The following COL26A1 variants were observed in gnomAD, a reference collection of about 807,000 sequenced individuals.
COL26A1 encodes the protein collagen type XXVI alpha 1 chain.
Under a neutral mutation model 59.3 loss-of-function variants are expected in COL26A1, and 41 were observed. That is an observed-to-expected ratio of 0.69 (90% CI 0.54 to 0.90). The LOEUF is 0.90. Among genes scored for constraint, COL26A1 ranks in the 40% least tolerant of loss-of-function variants. The pLI is 0.00. For synonymous variants in COL26A1, 266 were observed against 256.0 expected, an observed-to-expected ratio of 1.04 and a Z score of -0.37; for missense variants, 612 against 602.3, an observed-to-expected ratio of 1.02 and a Z score of -0.17.
intron 3 of COL26A1, among the ~76,000 whole-genome samples, chr7:101,487,102 G>A (rs547010233): frequency 2.0e-5 from 3 of 152,332 alleles, no homozygotes; most frequent in South Asian, 4.1e-4. Context: ...GGGCGGGGAG[G>A]AGGGGGCACA....
At chr7:101,376,612 G>A (rs1470780258) in intron 1 of COL26A1, among the ~76,000 whole-genome samples, 1 of 152,118 alleles carries the variant, frequency 6.6e-6, no homozygotes, top group Non-Finnish European at 1.5e-5. Flanking sequence ...CTGCTGCAGG[G>A]GAGCCGGAGA....
chr7:101,395,701 G>A (rs1260425907), intron 1 of COL26A1, among the ~76,000 whole-genome samples: 1 of 152,122 alleles, frequency 6.6e-6, no homozygotes, highest in Admixed American at 6.6e-5. Flanking sequence ...GGTGCCTGTC[G>A]GACTTGAGCA....
chr7:101,552,767 C>T (rs1351234230), intron 10 of COL26A1, among the ~76,000 whole-genome samples: 1 of 151,762 alleles, frequency 6.6e-6, no homozygotes, highest in Admixed American at 6.6e-5. Flanking sequence ...ATTAGCCAGA[C>T]ATGGTGGCGC....
intron 5 of COL26A1, among the ~76,000 whole-genome samples, chr7:101,542,771 G>C (rs1562797836): frequency 7.0e-6 from 1 of 143,208 alleles, no homozygotes; most frequent in Non-Finnish European, 1.5e-5. Context: ...TCTCCTACGG[G>C]AAGGGGGACC....
rs1006455096 is a variant in COL26A1 at position 101,429,567 on chromosome 7, CT to C, written c.281+9476del. Among the ~76,000 whole-genome samples, 166 of 111,594 alleles carry C rather than the reference CT, an allele frequency of 1.5e-3. 3 individuals carry two copies. Among genetic ancestry groups the C allele is most frequent in the Admixed American group, 0.01 (120 of 11,644 alleles). 73.2% of individuals were successfully genotyped at this position (111,594 alleles called of 152,430 possible). A position where few individuals can be genotyped will look rare whatever the true frequency, so the allele number is the denominator to read the frequency against. Reference sequence around the variant, plus strand: ...ATAGATTGATTCTTCTCACTTTATTCTTTTTTTTCCTTTCTTTTTTACTTTT... The same window carrying C: ...ATAGATTGATTCTTCTCACTTTATTCTTTTTTTCCTTTCTTTTTTACTTTT... On this transcript the variant is annotated intron_variant, in intron 2 of 12. Transcript: ENST00000313669.
chr7:101,513,443 C>T (rs1794967263), intron 3 of COL26A1, among the ~76,000 whole-genome samples: 1 of 152,196 alleles, frequency 6.6e-6, no homozygotes, highest in Non-Finnish European at 1.5e-5. Context: ...TCTCATGCCT[C>T]AGCCTCCTGA....
intron 3 of COL26A1, among the ~76,000 whole-genome samples, chr7:101,463,775 T>TTCTTTCTTTCTTTCTTTCTCTC (rs1554416029): frequency 8.4e-6 from 1 of 119,454 alleles, no homozygotes; most frequent in African/African-American, 3.5e-5. Context: ...CCTTCCTTCT[T>TTCTTTCTTTCTTTCTTTCTCTC]TCTTTCTTTC....
At chr7:101,495,198 A>T (rs1314550605) in intron 3 of COL26A1, among the ~76,000 whole-genome samples, 1 of 152,120 alleles carries the variant, frequency 6.6e-6, no homozygotes, top group Non-Finnish European at 1.5e-5. Context: ...AACCCAACAC[A>T]CAGGGCTAGA....
At chr7:101,557,271 G>A (rs1796000627) in intron 12 of COL26A1, 99 bp from the exon 13 acceptor site, 5 of 1,275,028 alleles carry the variant, frequency 3.9e-6, no homozygotes, top group Middle Eastern at 3.9e-4. Flanking sequence ...TCTCCACGCT[G>A]GGCAAGAGCA....
chr7:101,451,958 C>T (rs534524973), intron 3 of COL26A1, among the ~76,000 whole-genome samples: 4 of 152,210 alleles, frequency 2.6e-5, no homozygotes, highest in East Asian at 1.9e-4. Context: ...CTGCACCCAT[C>T]GGCGTCCCAA....
At position 101,551,132 on chromosome 7, in the gene COL26A1, G is replaced by C. The variant is rs1255012188; in HGVS notation, c.1018G>C (p.Val340Leu). ...GGGCCTGGCTGGAGAGCGAGGCACA[G>C]TGGGGCCGTCCGTAAGTGTGGGCTG... is the stretch of plus-strand genomic sequence containing the variant. ...SQGLAGERGT[V>L]GPSGEPGVKG... The change falls in exon 10 of 13, where the codon GTG (valine) becomes CTG (leucine). Residue 340 changes from valine (V) to leucine (L), a missense_variant. Physicochemically the swap from Val to Leu is conservative, Grantham distance 32. Transcript: ENST00000313669. 2 of 1,560,558 alleles carry C rather than the reference G, an allele frequency of 1.3e-6. No homozygotes were observed. The highest frequency in any genetic ancestry group is 3.8e-5 in the Admixed American group (2 of 52,136).
intron 3 of COL26A1, among the ~76,000 whole-genome samples, chr7:101,512,603 T>C (rs1481337610): frequency 2.6e-5 from 4 of 152,082 alleles, no homozygotes; most frequent in South Asian, 2.1e-4. Flanking sequence ...GCCTGGGCAA[T>C]AGAGCAAGAC....
chr7:101,486,007 T>C (rs1794260894), intron 3 of COL26A1, among the ~76,000 whole-genome samples: 1 of 152,032 alleles, frequency 6.6e-6, no homozygotes, highest in South Asian at 2.1e-4. Flanking sequence ...ACCGCGTCTC[T>C]ATTGAAAATA....
chr7:101,401,698 A>AGGAGGC (rs61058126), intron 1 of COL26A1, among the ~76,000 whole-genome samples: 1 of 131,206 alleles, frequency 7.6e-6, no homozygotes, highest in Non-Finnish European at 1.6e-5. Context: ...GAGGAGGAGG[A>AGGAGGC]AGAGTAGGAG....
chr7:101,547,088 C>T, intron 7 of COL26A1, 68 bp from the exon 8 acceptor site: 1 of 1,195,974 alleles, frequency 8.4e-7, no homozygotes, highest in South Asian at 1.4e-5. Context: ...GCTCAGTGCC[C>T]CGGACCAGCC....
chr7:101,456,347 G>T (rs1236216161), intron 3 of COL26A1, among the ~76,000 whole-genome samples: 1 of 151,572 alleles, frequency 6.6e-6, no homozygotes, highest in Non-Finnish European at 1.5e-5. Flanking sequence ...AAGGAGCTGG[G>T]ACTACAGGTG....
chr7:101,465,691 CAAAAAAAAAAA>C (rs539721605), intron 3 of COL26A1, among the ~76,000 whole-genome samples: 1 of 102,676 alleles, frequency 9.7e-6, no homozygotes, highest in South Asian at 3.2e-4. Flanking sequence ...GAAACTGTCT[CAAAAAAAAAAA>C]AAAAAAAAAA....
chr7:101,489,933 CTCTTTCTT>C (rs138474723), intron 3 of COL26A1, among the ~76,000 whole-genome samples: 14 of 81,112 alleles, frequency 1.7e-4, no homozygotes, highest in East Asian at 1.2e-3. Context: ...CTCTCTCTCT[CTCTTTCTT>C]TCTTTCTTTC....
chr7:101,475,828 TTCTC>T lies in COL26A1; in HGVS notation c.385+28051_385+28054del, dbSNP rs1188725427. Among the ~76,000 whole-genome samples the T allele has an allele frequency of 1.9e-4, 28 of 148,166 alleles. 1 individual carries two copies. The highest frequency in any genetic ancestry group is 1.6e-3 in the East Asian group (8 of 5,118). ...TCCTTCTTTCTTTCTTTCTCTCTCTTTCTCTCTCTCTCTTTCTTTCTCTCTCTCT... is the reference window on the plus strand; with the variant it reads ...TCCTTCTTTCTTTCTTTCTCTCTCTTTCTCTCTCTTTCTTTCTCTCTCTCT... On this transcript the variant is annotated intron_variant, in intron 3 of 12. Coordinates refer to ENST00000313669, the MANE Select transcript of COL26A1 (RefSeq NM_001278563.3).
Sources: allele counts gnomAD v4.1 joint callset (sites outside exome capture counted in the v4.1 genomes callset), GRCh38; gene constraint gnomAD v4.1.1; transcripts MANE v1.5; gene names NCBI Gene and HGNC (gene_info 2026-07-23, HGNC 2026-07-21).